The following TOM1L1 variants were observed in gnomAD, a reference collection of about 807,000 sequenced individuals.
TOM1L1 encodes TOM1-like protein 1.
Under a neutral mutation model 63.4 loss-of-function variants are expected in TOM1L1, and 64 were observed. The ratio of observed to expected loss-of-function variants is 1.01; its 90% CI spans 0.83 to 1.24. The LOEUF is 1.24. Ranked by LOEUF, TOM1L1 falls within the 50% of genes most tolerant of loss-of-function variation. The probability of loss-of-function intolerance (pLI) is 0.00; values close to 1 mark genes in which losing one functional copy is unlikely to be tolerated. For missense variants in TOM1L1, 536 were observed against 567.0 expected (o/e 0.95, Z 0.55); for synonymous variants, 166 against 194.4 (o/e 0.85, Z 1.22).
intron 14 of TOM1L1, chr17:54,956,893 TGCAGATGC>T (rs1412930667): frequency 6.6e-6 from 1 of 152,238 alleles, no homozygotes; most frequent in Non-Finnish European, 1.5e-5. Context: ...GTTGCAGTTG[TGCAGATGC>T]AGTGAGTCGT....
chr17:54,936,960 T>C, intron 9 of TOM1L1, 149 bp from the exon 10 acceptor site: 1 of 724,064 alleles, frequency 1.4e-6, no homozygotes. Flanking sequence ...GGTGGTAAGA[T>C]GGGATTCATA....
At position 54,937,193 on chromosome 17, in the gene TOM1L1, C is replaced by G; in HGVS notation, c.1000C>G (p.Leu334Val). The change falls in exon 10 of 16, where the codon CTC becomes GTC. Residue 334 changes from leucine (L) to valine (V), a missense_variant. Transcript: ENST00000575882. ...GATGCCTAGGGCCACTCTGGGAGAA[C>G]TCAACACCATGAATAATCAACTTTC... ...PRMPRATLGE[L>V]NTMNNQLSGL... is the part of the protein sequence containing the mutation. 1 of 1,613,708 alleles carries G rather than the reference C, an allele frequency of 6.2e-7. No homozygotes were observed. The highest frequency in any genetic ancestry group is 8.5e-7 in the Non-Finnish European group (1 of 1,179,822).
intron 8 of TOM1L1, among the ~76,000 whole-genome samples, chr17:54,935,208 G>A (rs1402071626): frequency 2.6e-5 from 4 of 152,162 alleles, no homozygotes; most frequent in South Asian, 2.1e-4. Flanking sequence ...CAGTTTTATA[G>A]GATTTGGGTA....
At position 54,905,539 on chromosome 17, in the gene TOM1L1, A is replaced by G. The variant is rs1263536977; in HGVS notation, c.194A>G (p.Asn65Ser). ...ALKKRISKNY[N>S]HKEIQLTLSL... ...AAGAAAAGGATTTCCAAAAACTACA[A>G]TCATAAAGAAATCCAACTTACCTTG... The change falls in exon 3 of 16, where the codon AAT (asparagine) becomes AGT (serine). Residue 65 changes from asparagine to serine, a missense_variant. Coordinates refer to ENST00000575882, the MANE Select transcript of TOM1L1 (RefSeq NM_005486.3). 2 of 1,611,216 alleles carry G rather than the reference A, an allele frequency of 1.2e-6. No homozygotes were observed. Among genetic ancestry groups the G allele is most frequent in the South Asian group, 1.1e-5 (1 of 90,634 alleles).
At chr17:54,922,634 A>G (rs530844158) in intron 7 of TOM1L1, among the ~76,000 whole-genome samples, 1 of 152,196 alleles carries the variant, frequency 6.6e-6, no homozygotes, top group Non-Finnish European at 1.5e-5. Context: ...TAAGAAAATT[A>G]TAAGGAAGAG....
At position 54,900,877 on chromosome 17, in the gene TOM1L1, C is replaced by T. The variant is rs1464025073; in HGVS notation, c.12C>T (p.Gly4=). The stretch of plus-strand genomic sequence containing the variant: ...CCTCTGGCGCTACCATGGCGTTTGG[C>T]AAGAGTCACCGGGATCCCTACGCGA... The part of the protein sequence containing the change: MAF[G]KSHRDPYATS... Residue 4 remains glycine (G), a synonymous_variant, in exon 1 of 16, where the codon GGC becomes GGT. Coordinates refer to ENST00000575882, the MANE Select transcript of TOM1L1 (RefSeq NM_005486.3). 1.2e-6 allele frequency: 2 copies of T among 1,613,734 alleles called. No homozygotes were observed. Among genetic ancestry groups the T allele is most frequent in the South Asian group, 2.2e-5 (2 of 91,074 alleles).
rs1363169182 is a variant in TOM1L1, at chr17:54,961,222, CTCTT to C, written c.*2-11_*2-8del. ...CAGGATGAATACTGGCCATTTTCTT[CTCTT>C]TATTTTAGAAGAAAGTGGATGATCA... On this transcript the variant is annotated splice_polypyrimidine_tract_variant and intron_variant, in intron 15 of 15. Coordinates refer to ENST00000575882, the MANE Select transcript of TOM1L1 (RefSeq NM_005486.3). The C allele has an allele frequency of 2.7e-6, 4 of 1,500,948 alleles. No homozygotes were observed. Among genetic ancestry groups the C allele is most frequent in the African/African-American group, 2.8e-5 (2 of 72,174 alleles). 93.0% of individuals were successfully genotyped at this position (1,500,948 alleles called of 1,614,324 possible).
chr17:54,903,908 T>C, intron 2 of TOM1L1, 116 bp downstream of exon 2: 1 of 828,344 alleles, frequency 1.2e-6, no homozygotes, highest in Non-Finnish European at 1.9e-6. Context: ...TCATCATTCA[T>C]TAGGCACCCT....
At chr17:54,944,867 T>C (rs1313572438) in intron 11 of TOM1L1, among the ~76,000 whole-genome samples, 1 of 152,212 alleles carries the variant, frequency 6.6e-6, no homozygotes, top group Non-Finnish European at 1.5e-5. Context: ...TTACAATATG[T>C]GGGGTATGGA....
intron 3 of TOM1L1, among the ~76,000 whole-genome samples, chr17:54,907,058 C>G (rs2048423439): frequency 6.6e-6 from 1 of 151,950 alleles, no homozygotes. Context: ...GCTGAATAAG[C>G]AGAAATGCTG....
At chr17:54,928,323 C>A (rs192640008) in intron 7 of TOM1L1, among the ~76,000 whole-genome samples, 1 of 151,678 alleles carries the variant, frequency 6.6e-6, no homozygotes, top group Non-Finnish European at 1.5e-5. Flanking sequence ...TTACAACAAC[C>A]TTACAAGATA....
chr17:54,936,791 T>C, intron 9 of TOM1L1, 82 bp downstream of exon 9: 1 of 1,255,542 alleles, frequency 8.0e-7, no homozygotes, highest in East Asian at 2.4e-5. Context: ...CTAAAACAAG[T>C]CTTAAAAAGA....
intron 3 of TOM1L1, among the ~76,000 whole-genome samples, chr17:54,908,241 C>G (rs537338397): frequency 1.3e-5 from 2 of 152,296 alleles, no homozygotes; most frequent in South Asian, 4.1e-4. Flanking sequence ...GGAAAAACAT[C>G]TGGCTTTTCC....
At chr17:54,921,911 C>T (rs1042030655) in intron 7 of TOM1L1, among the ~76,000 whole-genome samples, 5 of 152,122 alleles carry the variant, frequency 3.3e-5, no homozygotes, top group Non-Finnish European at 7.4e-5. Flanking sequence ...CTATCAATAA[C>T]ATAAACAGTC....
intron 8 of TOM1L1, among the ~76,000 whole-genome samples, chr17:54,932,189 G>A (rs1033371558): frequency 6.6e-6 from 1 of 152,120 alleles, no homozygotes; most frequent in African/African-American, 2.4e-5. Flanking sequence ...AGCTCCCCGA[G>A]TGAGCAATTC....
chr17:54,937,848 A>G (rs980435348), intron 10 of TOM1L1: 1 of 134,618 alleles, frequency 7.4e-6, no homozygotes, highest in African/African-American at 2.7e-5. Context: ...TTTTATAAAC[A>G]TTTATAAAAG....
intron 7 of TOM1L1, among the ~76,000 whole-genome samples, chr17:54,922,234 A>G (rs1322992435): frequency 1.3e-5 from 2 of 152,104 alleles, no homozygotes; most frequent in African/African-American, 4.8e-5. Flanking sequence ...CGGAGCTTGC[A>G]GTGAGCCGAG....
chr17:54,935,137 C>T (rs779906540), intron 8 of TOM1L1, among the ~76,000 whole-genome samples: 1 of 152,168 alleles, frequency 6.6e-6, no homozygotes, highest in Non-Finnish European at 1.5e-5. Context: ...CTGTTTATTT[C>T]ACCTGGGTGC....
chr17:54,906,349 G>A (rs2048409240), intron 3 of TOM1L1, among the ~76,000 whole-genome samples: 2 of 152,022 alleles, frequency 1.3e-5, no homozygotes, highest in Admixed American at 1.3e-4. Flanking sequence ...TGTGCCTGTA[G>A]TCCCAGCTAC....
Sources: allele counts gnomAD v4.1 joint callset (sites outside exome capture counted in the v4.1 genomes callset), GRCh38; gene constraint gnomAD v4.1.1; transcripts MANE v1.5; gene names NCBI Gene and HGNC (gene_info 2026-07-23, HGNC 2026-07-21).